PLOD2: variants seen among roughly 807,000 people sequenced by gnomAD.
PLOD2 encodes procollagen-lysine,2-oxoglutarate 5-dioxygenase 2, also known as lysine hydroxylase 2.
In PLOD2, 65 loss-of-function variants were observed where a neutral mutation model predicts 101.0. That is an observed-to-expected ratio of 0.64 (90% CI 0.53 to 0.79). The LOEUF (loss-of-function observed/expected upper bound fraction) is 0.79. Ranked by LOEUF, PLOD2 falls within the 30% of genes least tolerant of loss-of-function variation. The probability of loss-of-function intolerance (pLI) is 0.00; values close to 1 mark genes in which losing one functional copy is unlikely to be tolerated. For synonymous variants in PLOD2, 314 were observed against 302.9 expected, an observed-to-expected ratio of 1.04 and a Z score of -0.38; for missense variants, 909 against 914.6, an observed-to-expected ratio of 0.99 and a Z score of 0.08.
rs1465713649 is a variant in PLOD2 at position 146,076,424 on chromosome 3, TTTTTGG to T, written c.1677+352_1677+357del. On this transcript the variant is annotated intron_variant, in intron 15 of 19. Coordinates refer to ENST00000282903, the MANE Select transcript of PLOD2 (RefSeq NM_182943.3). The stretch of plus-strand genomic sequence containing the variant: ...ACGAACAGATACAGGTTCATGTGTG[TTTTTGG>T]TCAAATGACTTACTTTCTTTTGGCT... 5 of 185,652 alleles carry T rather than the reference TTTTTGG, an allele frequency of 2.7e-5. No homozygotes were observed. The East Asian group carries it at 7.9e-4, about 29-fold the overall frequency. 11.5% of individuals were successfully genotyped at this position (185,652 alleles called of 1,614,324 possible).
chr3:146,091,786 T>C lies in PLOD2; in HGVS notation c.879+14A>G. The C allele has an allele frequency of 7.3e-7, 1 of 1,369,406 alleles. No individual in the cohort carries two copies. Among genetic ancestry groups the C allele is most frequent in the Non-Finnish European group, 1.0e-6 (1 of 956,944 alleles). The allele number at this position is 1,369,406 out of a possible 1,614,324, so 84.8% of individuals were successfully genotyped here. On this transcript the variant is annotated intron_variant, in intron 8 of 19. Transcript: ENST00000282903. ...TTCTATTACTACATTTCACACATAA[T>C]CAATTCCACTTACATCTACTGCAGA...
rs985725439 is a variant in PLOD2 at position 146,086,865 on chromosome 3, G to A, written c.1049C>T (p.Ala350Val). The A allele has an allele frequency of 2.6e-6, 4 of 1,533,156 alleles. No individual in the cohort carries two copies. The African/African-American group carries it at 4.1e-5, about 16-fold the overall frequency. 95.0% of individuals were successfully genotyped at this position (1,533,156 alleles called of 1,614,324 possible). The change falls in exon 10 of 20, where the codon GCT (alanine) becomes GTT (valine). Residue 350 changes from alanine to valine, a missense_variant. Coordinates refer to ENST00000282903, the MANE Select transcript of PLOD2 (RefSeq NM_182943.3). Reference protein sequence around the residue: ...EKDIKVFFDKAKHEIKTIKIV... With the variant: ...EKDIKVFFDKVKHEIKTIKIV... ...TTTTATAGTTTTGATTTCATGCTTA[G>A]CTTTATCAAAAAATACCTTGATGTC...
chr3:146,155,352 A>AAT (rs1559876180), intron 1 of PLOD2, among the ~76,000 whole-genome samples: 104 of 144,468 alleles, frequency 7.2e-4, no homozygotes, highest in African/African-American at 2.5e-3. Flanking sequence ...AATTAATTAA[A>AAT]TAACAGTCTC....
At chr3:146,154,005 A>G (rs1426753274) in intron 1 of PLOD2, among the ~76,000 whole-genome samples, 3 of 152,184 alleles carry the variant, frequency 2.0e-5, no homozygotes, top group Non-Finnish European at 4.4e-5. Context: ...ATGATTAGTT[A>G]ATGCACCAGG....
At chr3:146,096,278 G>A (rs1024468590) in intron 7 of PLOD2, among the ~76,000 whole-genome samples, 3 of 80,184 alleles carry the variant, frequency 3.7e-5, no homozygotes, top group Admixed American at 1.2e-4. Context: ...CCAAAAAGCC[G>A]AGATTGCAGC....
chr3:146,144,367 T>C (rs1267582456), intron 1 of PLOD2, among the ~76,000 whole-genome samples: 1 of 152,096 alleles, frequency 6.6e-6, no homozygotes, highest in Non-Finnish European at 1.5e-5. Flanking sequence ...CCCTAAAACC[T>C]TGAAGAAAGT....
At chr3:146,131,136 T>A (rs1360958325) in intron 1 of PLOD2, among the ~76,000 whole-genome samples, 1 of 152,172 alleles carries the variant, frequency 6.6e-6, no homozygotes, top group East Asian at 1.9e-4. Context: ...ATTTCACACA[T>A]GTTGTCACAA....
At position 146,106,625 on chromosome 3, in the gene PLOD2, T is replaced by C. The variant is rs780358030; in HGVS notation, c.522A>G (p.Pro174=). ...ATTGTTGAACTATACGGTTGACATA[T>C]GGAGCATAGCCAATAAATCCTGCAA... ...LNSGGFIGYA[P]YVNRIVQQWN... The change falls in exon 5 of 20, where the codon CCA becomes CCG. Residue 174 remains proline, a synonymous_variant. Transcript: ENST00000282903. 4 of 1,570,026 alleles carry C rather than the reference T, an allele frequency of 2.5e-6. No homozygotes were observed. The highest frequency in any genetic ancestry group is 3.5e-6 in the Non-Finnish European group (4 of 1,139,944).
intron 1 of PLOD2, among the ~76,000 whole-genome samples, chr3:146,157,173 G>A (rs183316459): frequency 3.4e-4 from 52 of 152,294 alleles, no homozygotes; most frequent in African/African-American, 1.2e-3. Context: ...TTGACTGCAC[G>A]CTACTTTTCA....
At chr3:146,088,252 A>G (rs541806547) in intron 9 of PLOD2, among the ~76,000 whole-genome samples, 127 of 151,778 alleles carry the variant, frequency 8.4e-4, no homozygotes, top group Non-Finnish European at 1.4e-3. Context: ...GACCAATTCT[A>G]TAGAAGAAAG....
chr3:146,155,725 A>G (rs946092186), intron 1 of PLOD2, among the ~76,000 whole-genome samples: 4 of 151,596 alleles, frequency 2.6e-5, no homozygotes, highest in African/African-American at 9.7e-5. Flanking sequence ...AAAAAAAAAA[A>G]AAAAAAAGAA....
intron 7 of PLOD2, among the ~76,000 whole-genome samples, chr3:146,099,615 C>G (rs1321070720): frequency 6.6e-6 from 1 of 151,596 alleles, no homozygotes; most frequent in South Asian, 2.1e-4. Flanking sequence ...GCTGGCCAGT[C>G]TCGAACTCCT....
intron 12 of PLOD2, among the ~76,000 whole-genome samples, chr3:146,080,011 C>G (rs1936478327): frequency 6.6e-6 from 1 of 151,896 alleles, no homozygotes; most frequent in South Asian, 2.1e-4. Flanking sequence ...AAGTTTTGCC[C>G]CTAAGACTGT....
chr3:146,079,855 C>A (rs1488215885), intron 12 of PLOD2, among the ~76,000 whole-genome samples: 4 of 151,968 alleles, frequency 2.6e-5, no homozygotes, highest in Non-Finnish European at 2.9e-5. Context: ...AAATTATATT[C>A]TCTTACCATT....
rs1248596857 is a variant in PLOD2, at chr3:146,073,287, C to A, written c.1743G>T (p.Gln581His). The A allele has an allele frequency of 8.7e-7, 1 of 1,146,578 alleles. No individual in the cohort carries two copies. Among genetic ancestry groups the A allele is most frequent in the Non-Finnish European group, 1.3e-6 (1 of 780,600 alleles). 71.0% of individuals were successfully genotyped at this position (1,146,578 alleles called of 1,614,324 possible). ...SKIFTENIVE[Q>H]PCPDVFWFPI... is the part of the protein sequence containing the mutation. ...ATACTTTGTAATCATTAATACAAAC[C>A]TGTTCAACTATATTTTCAGTGAAAA... Residue 581 changes from glutamine (Q) to histidine (H), a missense_variant and splice_region_variant, in exon 16 of 20, where the codon CAG (glutamine) becomes CAT (histidine). By Grantham distance (24) the Gln-to-His change is conservative (BLOSUM62 0). Coordinates refer to ENST00000282903, the MANE Select transcript of PLOD2 (RefSeq NM_182943.3).
Position 146,095,361 on chromosome 3 carries a change from GAAA to G in PLOD2, c.778-3463_778-3461del, listed in dbSNP as rs139788808. ...ACAAGGAACTTAAACAAATTTACAA[GAAA>G]AAAAAAAAAACCACTCCATCAAAAA... On this transcript the variant is annotated intron_variant, in intron 7 of 19. Transcript: ENST00000282903. 3.5e-3 allele frequency among the ~76,000 whole-genome samples: 514 copies of G among 145,186 alleles called. 4 individuals carry two copies. The highest frequency in any genetic ancestry group is 0.012 in the African/African-American group (492 of 39,812).
intron 1 of PLOD2, among the ~76,000 whole-genome samples, chr3:146,136,223 T>C (rs2031220503): frequency 6.6e-6 from 1 of 152,180 alleles, no homozygotes; most frequent in Non-Finnish European, 1.5e-5. Context: ...GTTTCATTTT[T>C]TACACTGATA....
rs1936064507 is a variant in PLOD2 at position 146,070,029 on chromosome 3, A to G, written c.*688T>C. ...ATCTAATACCTGCTTAATATAATCC[A>G]CTTTGGAAGATTCATCTGAAAGAAA... is the stretch of plus-strand genomic sequence containing the variant. On this transcript the variant is annotated 3_prime_UTR_variant, in exon 20 of 20. Coordinates refer to ENST00000282903, the MANE Select transcript of PLOD2 (RefSeq NM_182943.3). 2.0e-5 allele frequency: 3 copies of G among 151,898 alleles called. No homozygotes were observed. Among genetic ancestry groups the G allele is most frequent in the South Asian group, 2.1e-4 (1 of 4,826 alleles). The allele number at this position is 151,898 out of a possible 1,614,324, so 9.4% of individuals were successfully genotyped here. A position where few individuals can be genotyped will look rare whatever the true frequency, so the allele number is the denominator to read the frequency against.
intron 5 of PLOD2, 57 bp downstream of exon 5, chr3:146,106,475 A>G: frequency 1.2e-6 from 1 of 831,820 alleles, no homozygotes. Context: ...CATTAACACA[A>G]TATAACACAC....
Sources: gnomAD v4.1 joint callset for allele counts (sites outside exome capture counted in the v4.1 genomes callset) on GRCh38, gnomAD v4.1.1 for gene constraint, MANE v1.5 for transcripts, NCBI Gene and HGNC (gene_info 2026-07-23, HGNC 2026-07-21) for gene names.